Variants in CAPS2 observed in about 807,000 individuals in gnomAD.
The protein encoded by CAPS2 is calcyphosin-2.
In CAPS2, 98 loss-of-function variants were observed where a neutral mutation model predicts 86.5. The observed-to-expected ratio is 1.13, with a 90% CI of 0.96 to 1.34. The LOEUF (loss-of-function observed/expected upper bound fraction) is 1.34. Among genes scored for constraint, CAPS2 ranks in the 40% most tolerant of loss-of-function variants. CAPS2 has a pLI of 0.00. For missense variants in CAPS2, 729 were observed against 686.8 expected (o/e 1.06, Z -0.69); for synonymous variants, 210 against 225.1 (o/e 0.93, Z 0.60).
At chr12:75,331,242 GAAGT>G (rs1226354763), upstream of CAPS2, among the ~76,000 whole-genome samples, 3 of 152,284 alleles carry the variant, frequency 2.0e-5, no homozygotes, top group South Asian at 4.2e-4. Context: ...ATTCAAATTA[GAAGT>G]AAGAGTTTAT....
intron 14 of CAPS2, among the ~76,000 whole-genome samples, chr12:75,285,411 A>T (rs1424314231): frequency 2.0e-5 from 3 of 152,030 alleles, no homozygotes; most frequent in Non-Finnish European, 4.4e-5. Context: ...ACATTGTAGA[A>T]TAATACAATC....
At chr12:75,323,800 C>T (rs2040526382) in intron 2 of CAPS2, among the ~76,000 whole-genome samples, 1 of 152,202 alleles carries the variant, frequency 6.6e-6, no homozygotes, top group Admixed American at 6.5e-5. Flanking sequence ...GATGATTTCA[C>T]TGTACTTCAC....
intron 1 of CAPS2, 77 bp downstream of exon 2, chr12:75,326,341 C>A: frequency 3.4e-6 from 2 of 585,130 alleles, no homozygotes; most frequent in South Asian, 2.6e-5. Context: ...TATAAGTAGT[C>A]ATAAAACATG....
At chr12:75,289,854 A>T in intron 13 of CAPS2, 79 bp from the exon 14 acceptor site, 1 of 1,048,514 alleles carries the variant, frequency 9.5e-7, no homozygotes, top group Non-Finnish European at 1.4e-6. Flanking sequence ...TTCATAAGAA[A>T]ATTAAAGTTG....
At chr12:75,334,869 AGTCAACCCT>A, upstream of CAPS2, 2 of 1,614,166 alleles carry the variant, frequency 1.2e-6, no homozygotes, top group Non-Finnish European at 1.7e-6. Context: ...GGCGTGGCAA[AGTCAACCCT>A]CCCGCGGCCG....
At chr12:75,377,628 G>A (rs1265779878) in intron 1 of CAPS2, among the ~76,000 whole-genome samples, 2 of 152,138 alleles carry the variant, frequency 1.3e-5, no homozygotes, top group African/African-American at 4.8e-5. Flanking sequence ...AGACTCACAA[G>A]TCGGCTCATT....
chr12:75,300,544 A>G (rs1451798104), intron 8 of CAPS2, among the ~76,000 whole-genome samples: 1 of 121,810 alleles, frequency 8.2e-6, no homozygotes, highest in African/African-American at 3.1e-5. Context: ...CGACAGAGCC[A>G]GACTCCGTCT....
At chr12:75,276,174 C>A, downstream of CAPS2, 1 of 1,522,452 alleles carries the variant, frequency 6.6e-7, no homozygotes. Context: ...TATATATGCC[C>A]ATTACCTTCT....
intron 12 of CAPS2, among the ~76,000 whole-genome samples, chr12:75,292,154 C>A (rs891718045): frequency 9.9e-5 from 15 of 152,170 alleles, no homozygotes; most frequent in African/African-American, 3.6e-4. Flanking sequence ...GCAACCTCCG[C>A]CTCCCAGGTT....
chr12:75,317,080 A>C (rs2039850304), intron 5 of CAPS2, among the ~76,000 whole-genome samples: 1 of 152,168 alleles, frequency 6.6e-6, no homozygotes, highest in Admixed American at 6.6e-5. Context: ...ACTCTATCTT[A>C]ATACTCCTCT....
chr12:75,300,674 T>C (rs1361338796), intron 8 of CAPS2, among the ~76,000 whole-genome samples: 1 of 151,228 alleles, frequency 6.6e-6, no homozygotes, highest in Non-Finnish European at 1.5e-5. Context: ...TTTGTCCTGG[T>C]AAGAGAGTGG....
At chr12:75,300,004 G>C in intron 8 of CAPS2, 93 bp from the exon 9 acceptor site, 1 of 504,420 alleles carries the variant, frequency 2.0e-6, no homozygotes, top group Non-Finnish European at 3.5e-6. Flanking sequence ...TTAATATTTT[G>C]AAACCACACA....
At chr12:75,308,221 G>A (rs1281618281) in intron 7 of CAPS2, among the ~76,000 whole-genome samples, 1 of 152,056 alleles carries the variant, frequency 6.6e-6, no homozygotes, top group Non-Finnish European at 1.5e-5. Context: ...GCTTCTGATT[G>A]GTCACTTTCC....
intron 1 of CAPS2, chr12:75,364,954 G>A (rs2043868004): frequency 1.3e-5 from 2 of 152,032 alleles, no homozygotes; most frequent in Admixed American, 6.6e-5. Flanking sequence ...GGTTAGAATG[G>A]ATTAAAAGGT....
Position 75,310,438 on chromosome 12 carries a change from A to C in CAPS2, c.659+2410T>G, listed in dbSNP as rs1248396218. 2.0e-5 allele frequency among the ~76,000 whole-genome samples: 3 copies of C among 152,304 alleles called. No homozygotes were observed. The East Asian group carries it at 5.8e-4, about 29-fold the overall frequency. ...AGGCATTCCAAGAAGAGGGGAAAAT[A>C]AATGCAAAGTACCTAAGACAGGAAT... is the stretch of plus-strand genomic sequence containing the variant. On this transcript the variant is annotated intron_variant, in intron 7 of 16. Coordinates refer to ENST00000393284, the Ensembl canonical transcript of CAPS2.
chr12:75,319,581 G>A (rs1299077835), intron 5 of CAPS2, among the ~76,000 whole-genome samples: 1 of 151,968 alleles, frequency 6.6e-6, no homozygotes, highest in African/African-American at 2.4e-5. Flanking sequence ...CCCAGCCTCG[G>A]GTATTTCTTT....
chr12:75,347,224 T>C (rs939641852), intron 1 of CAPS2, among the ~76,000 whole-genome samples: 4 of 152,114 alleles, frequency 2.6e-5, no homozygotes, highest in Non-Finnish European at 5.9e-5. Context: ...AAAATTTTTC[T>C]GAGAAAAACA....
chr12:75,324,521 C>T (rs1478396248), intron 2 of CAPS2, among the ~76,000 whole-genome samples: 1 of 152,066 alleles, frequency 6.6e-6, no homozygotes. Flanking sequence ...GCCATTGTTA[C>T]TTACTCGATA....
chr12:75,355,251 A>G (rs2043077033), intron 1 of CAPS2, among the ~76,000 whole-genome samples: 1 of 152,232 alleles, frequency 6.6e-6, no homozygotes, highest in South Asian at 2.1e-4. Context: ...TCTAATATCC[A>G]GAATCTACAA....
Sources: allele counts gnomAD v4.1 joint callset (sites outside exome capture counted in the v4.1 genomes callset), GRCh38; gene constraint gnomAD v4.1.1; transcripts MANE v1.5; gene names NCBI Gene and HGNC (gene_info 2026-07-23, HGNC 2026-07-21).